The following CYP24A1 variants were observed in gnomAD, a reference collection of about 807,000 sequenced individuals.
CYP24A1 encodes the protein 1,25-dihydroxyvitamin D(3) 24-hydroxylase, mitochondrial.
CYP24A1 carries 68 observed loss-of-function variants against 62.4 expected under a neutral mutation model. The observed-to-expected ratio is 1.09, with a 90% confidence interval of 0.90 to 1.33. CYP24A1 has a LOEUF of 1.33. Ranked by LOEUF, CYP24A1 falls within the 40% of genes most tolerant of loss-of-function variation. The pLI is 0.00. For synonymous variants in CYP24A1, 267 were observed against 253.0 expected (o/e 1.06, Z -0.52); for missense variants, 787 against 653.0 (o/e 1.21, Z -2.24).
rs1453517293 is a variant in CYP24A1 at position 54,172,963 on chromosome 20, T to A, written c.395A>T (p.Lys132Ile). The A allele has an allele frequency of 6.2e-7, 1 of 1,613,600 alleles. No individual in the cohort carries two copies. Among genetic ancestry groups the A allele is most frequent in the Non-Finnish European group, 8.5e-7 (1 of 1,180,022 alleles). The change falls in exon 2 of 12, where the codon AAA (lysine) becomes ATA (isoleucine). Residue 132 changes from lysine (K) to isoleucine (I), a missense_variant. Lys to Ile is a moderately radical substitution (Grantham distance 102, BLOSUM62 -3). Transcript: ENST00000216862. ...GTAGTCGCGATAGGCCTTCCACGGTTTGATCTCCAGCCGCTGCGGGTACGC... is the reference window on the plus strand; with the variant it reads ...GTAGTCGCGATAGGCCTTCCACGGTATGATCTCCAGCCGCTGCGGGTACGC... ...ESAYPQRLEI[K>I]PWKAYRDYRK...
downstream of CYP24A1, among the ~76,000 whole-genome samples, chr20:54,148,461 G>A (rs568109452): frequency 7.3e-5 from 11 of 149,866 alleles, no homozygotes; most frequent in Admixed American, 3.3e-4. Flanking sequence ...CATCCCAGTA[G>A]CAACAAGCAC....
chr20:54,154,869 GC>G (rs1346211514), intron 11 of CYP24A1, 108 bp from the exon 12 acceptor site: 1 of 141,764 alleles, frequency 7.1e-6, no homozygotes. Context: ...TTTGAAGTTT[GC>G]TTTCCGGTAA....
chr20:54,159,030 C>A lies in CYP24A1; in HGVS notation c.1084G>T (p.Glu362Ter), dbSNP rs1041572344. 4.3e-6 allele frequency: 7 copies of A among 1,614,072 alleles called. No homozygotes were observed. Among genetic ancestry groups the A allele is most frequent in the Admixed American group, 1.7e-5 (1 of 60,004 alleles). Residue 362 changes from glutamate to a stop codon, truncating the protein, a stop_gained, in exon 8 of 12, where the codon GAG becomes TAG. Transcript: ENST00000216862. LOFTEE classifies it high-confidence loss of function. Reference protein sequence around the residue: ...LLKEIQSVLPENQVPRAEDLR... With the variant: ...LLKEIQSVLP ...TCTTCTGCCCGTGGCACCTGATTCTCAGGTAATACACTTTGAATTTCCTTA... is the reference window on the plus strand; with the variant it reads ...TCTTCTGCCCGTGGCACCTGATTCTAAGGTAATACACTTTGAATTTCCTTA...
chr20:54,172,130 C>T (rs1424320402), intron 2 of CYP24A1, among the ~76,000 whole-genome samples: 1 of 152,120 alleles, frequency 6.6e-6, no homozygotes, highest in Admixed American at 6.5e-5. Context: ...TTGCCATCGC[C>T]TCCAAATAAT....
chr20:54,157,607 T>C (rs767927908), intron 9 of CYP24A1, 22 bp from the exon 10 acceptor site: 9 of 1,385,226 alleles, frequency 6.5e-6, no homozygotes, highest in Non-Finnish European at 8.2e-6. Flanking sequence ...CAGAGACACA[T>C]AGTATTTAAA....
At chr20:54,172,770 G>C in intron 2 of CYP24A1, 139 bp downstream of exon 2, 2 of 1,530,612 alleles carry the variant, frequency 1.3e-6, no homozygotes, top group Non-Finnish European at 1.7e-6. Flanking sequence ...GCGATGGCAC[G>C]GGAGAGGGGC....
chr20:54,144,504 C>A, the CYP24A1 span, among the ~76,000 whole-genome samples: 1 of 151,822 alleles, frequency 6.6e-6, no homozygotes, highest in African/African-American at 2.4e-5. Flanking sequence ...ATCCTCCAGC[C>A]TCAGCCTCCC....
In CYP24A1 at chr20:54,173,507, G is replaced by T; in HGVS notation, c.73C>A (p.Pro25Thr). The change falls in exon 1 of 12, where the codon CCG (proline) becomes ACG (threonine). Residue 25 changes from proline to threonine, a missense_variant. By Grantham distance (38) the Pro-to-Thr change is conservative. Transcript: ENST00000216862. This position sits in a 1 kb window ranked among gnomAD's most constrained non-coding sequence, Gnocchi z 7.2. ...TACGCCGTAGATGTCACCAGTCTCG[G>T]GGGCTGCCTCGGACTGCGCAGCTGC... ...LQQLRSPRQP[P>T]RLVTSTAYTS... 6.4e-7 allele frequency: 1 copy of T among 1,569,810 alleles called. No individual in the cohort carries two copies.
chr20:54,173,492 A>G lies in CYP24A1; in HGVS notation c.88T>C (p.Ser30Pro). The change falls in exon 1 of 12, where the codon TCT becomes CCT. Residue 30 changes from serine (S) to proline (P), a missense_variant. Coordinates refer to ENST00000216862, the MANE Select transcript of CYP24A1 (RefSeq NM_000782.5). This position sits in a 1 kb window ranked among gnomAD's most constrained non-coding sequence, Gnocchi z 7.2. Reference sequence around the variant, plus strand: ...GGCTGAGGGGACGTGTACGCCGTAGATGTCACCAGTCTCGGGGGCTGCCTC... The same window carrying G: ...GGCTGAGGGGACGTGTACGCCGTAGGTGTCACCAGTCTCGGGGGCTGCCTC... ...SPRQPPRLVT[S>P]TAYTSPQPRE... 2 of 1,567,368 alleles carry G rather than the reference A, an allele frequency of 1.3e-6. No individual in the cohort carries two copies. The highest frequency in any genetic ancestry group is 1.7e-6 in the Non-Finnish European group (2 of 1,156,426).
Position 54,159,397 on chromosome 20 carries a change from G to GTT in CYP24A1, c.991-276_991-275dup, listed in dbSNP as rs10689729. 1.5e-3 allele frequency among the ~76,000 whole-genome samples: 205 copies of GTT among 140,116 alleles called. 7 individuals are homozygous for GTT. Among genetic ancestry groups the GTT allele is most frequent in the East Asian group, 2.3e-3 (11 of 4,712 alleles). 91.9% of individuals were successfully genotyped at this position (140,116 alleles called of 152,430 possible). ...AGCTGCTTTAGAACATTTAAATACAGTTTTTTTTTTTTTTTGAGATGGAGT... is the reference window on the plus strand; with the variant it reads ...AGCTGCTTTAGAACATTTAAATACAGTTTTTTTTTTTTTTTTTGAGATGGAGT... On this transcript the variant is annotated intron_variant, in intron 7 of 11. Transcript: ENST00000216862.
intron 7 of CYP24A1, 147 bp from the exon 8 acceptor site, chr20:54,159,270 C>T (rs1161975609): frequency 1.9e-5 from 13 of 667,860 alleles, no homozygotes; most frequent in Non-Finnish European, 3.2e-5. Flanking sequence ...CGCCTTTAGA[C>T]AAATCCAATA....
In CYP24A1 at chr20:54,157,441, TTC is replaced by T; in HGVS notation, c.1379_1380del (p.Arg460AsnfsTer31). ...TCTGCTAATCGGCGACCAATGCACA[TTC>T]TTTTTCCAACGCCAAATGGAAGATG... ...FAHLPFGVGK[R>X]MCIGRRLAEL... On this transcript the variant is annotated frameshift_variant, in exon 10 of 12. Transcript: ENST00000216862. LOFTEE classifies it high-confidence loss of function. 1 of 1,607,960 alleles carries T rather than the reference TTC, an allele frequency of 6.2e-7. No homozygotes were observed.
Position 54,157,303 on chromosome 20 carries a change from G to T in CYP24A1, c.1435-14C>A. 6.5e-7 allele frequency: 1 copy of T among 1,541,492 alleles called. No homozygotes were observed. Among genetic ancestry groups the T allele is most frequent in the South Asian group, 1.1e-5 (1 of 89,574 alleles). ...TTTGCGGACAATCTGTAATGCACAC[G>T]CACACAAAAACAGAATTACCCCTCT... On this transcript the variant is annotated splice_polypyrimidine_tract_variant and intron_variant, in intron 10 of 11. Transcript: ENST00000216862.
chr20:54,164,182 C>G (rs1001012457), intron 6 of CYP24A1, among the ~76,000 whole-genome samples: 1 of 152,172 alleles, frequency 6.6e-6, no homozygotes, highest in Non-Finnish European at 1.5e-5. Context: ...GTGATCTGCT[C>G]GCCTGGGCCA....
intron 6 of CYP24A1, among the ~76,000 whole-genome samples, chr20:54,163,674 A>G (rs1190199185): frequency 2.6e-5 from 4 of 152,254 alleles, no homozygotes; most frequent in Admixed American, 2.6e-4. Context: ...AATGCCTAGC[A>G]TCAAATATTC....
chr20:54,169,535 G>A (rs2092686395), intron 4 of CYP24A1, 57 bp downstream of exon 4: 11 of 1,612,654 alleles, frequency 6.8e-6, no homozygotes, highest in East Asian at 4.5e-5. Context: ...AAAGAGCCAT[G>A]TTTTATCCGC....
chr20:54,148,334 T>C, the CYP24A1 span, among the ~76,000 whole-genome samples: 1 of 149,360 alleles, frequency 6.7e-6, no homozygotes, highest in Non-Finnish European at 1.5e-5. Context: ...GGTTTTGTCC[T>C]TCTTTTTCTC....
rs778616924 is a variant in CYP24A1 at position 54,158,950 on chromosome 20, C to A, written c.1157+7G>T. ...ACATTTATATTGGCTCAGAGATAGG[C>A]TCTTACCTCATAGATTCTTTCAGAC... On this transcript the variant is annotated splice_region_variant and intron_variant, in intron 8 of 11. Coordinates refer to ENST00000216862, the MANE Select transcript of CYP24A1 (RefSeq NM_000782.5). 1.2e-6 allele frequency: 2 copies of A among 1,614,058 alleles called. No homozygotes were observed. Among genetic ancestry groups the A allele is most frequent in the African/African-American group, 2.7e-5 (2 of 74,928 alleles).
chr20:54,168,216 A>G (rs1311907517), intron 4 of CYP24A1, among the ~76,000 whole-genome samples: 1 of 152,160 alleles, frequency 6.6e-6, no homozygotes, highest in Non-Finnish European at 1.5e-5. Context: ...GTCCTCAGCC[A>G]GGCGCTGTCC....
Sources: gnomAD v4.1 joint callset for allele counts (sites outside exome capture counted in the v4.1 genomes callset) on GRCh38, gnomAD v4.1.1 for gene constraint, Gnocchi (gnomAD v3.1) non-coding constraint, MANE v1.5 for transcripts, NCBI Gene and HGNC (gene_info 2026-07-23, HGNC 2026-07-21) for gene names.